Variants in KCNT1 observed in about 807,000 individuals in gnomAD.
The protein encoded by KCNT1 is potassium sodium-activated channel subfamily T member 1, also known as potassium channel subfamily T member 1.
Under a neutral mutation model 147.8 loss-of-function variants are expected in KCNT1, and 78 were observed. The observed-to-expected ratio is 0.53, with a 90% confidence interval of 0.44 to 0.64. KCNT1 has a LOEUF of 0.64. Ranked by LOEUF, KCNT1 falls within the 30% of genes least tolerant of loss-of-function variation. KCNT1 has a pLI of 0.00. For missense variants in KCNT1, 1,419 were observed against 1,750.3 expected, an observed-to-expected ratio of 0.81 and a Z score of 3.38; for synonymous variants, 867 against 748.8, an observed-to-expected ratio of 1.16 and a Z score of -2.58.
At chr9:135,713,846 C>T (rs1835606362) in intron 1 of KCNT1, among the ~76,000 whole-genome samples, 2 of 152,186 alleles carry the variant, frequency 1.3e-5, no homozygotes, top group Non-Finnish European at 2.9e-5. Flanking sequence ...CTGCAGACCA[C>T]CAGGGGTCCT....
At chr9:135,776,043 C>T (rs1833147707) in intron 20 of KCNT1, among the ~76,000 whole-genome samples, 1 of 151,950 alleles carries the variant, frequency 6.6e-6, no homozygotes, top group Non-Finnish European at 1.5e-5. Context: ...TGGGGCCAGC[C>T]CTCCCTGGAA....
intron 11 of KCNT1, among the ~76,000 whole-genome samples, chr9:135,764,628 C>T (rs1014885160): frequency 1.3e-5 from 2 of 152,188 alleles, no homozygotes; most frequent in Non-Finnish European, 2.9e-5. Flanking sequence ...CAGCCTCAAA[C>T]CACCTGCCCC....
At chr9:135,722,671 G>A (rs542712963) in intron 2 of KCNT1, among the ~76,000 whole-genome samples, 3 of 152,286 alleles carry the variant, frequency 2.0e-5, no homozygotes, top group African/African-American at 7.2e-5. Context: ...AGGCGCCGGC[G>A]GACCAGGCTC....
At chr9:135,745,436 G>A (rs1830779549) in intron 2 of KCNT1, among the ~76,000 whole-genome samples, 2 of 152,202 alleles carry the variant, frequency 1.3e-5, no homozygotes, top group South Asian at 2.1e-4. Flanking sequence ...GCCTCTGCCC[G>A]TGGTCCACAC....
rs536652756 is a variant in KCNT1 at position 135,783,552 on chromosome 9, A to C, written c.2842-472A>C. Among the ~76,000 whole-genome samples the C allele has an allele frequency of 2.0e-5, 3 of 152,362 alleles. No individual in the cohort carries two copies. In the East Asian group the frequency reaches 5.8e-4, roughly 29 times the overall value. On this transcript the variant is annotated intron_variant, in intron 24 of 30. Transcript: ENST00000371757. ...GAGCCCCAGGAAACTCAGTGGGTCC[A>C]TTGCAAGCCTGGAGCACAGGGACGG...
In KCNT1 at chr9:135,786,436, C is replaced by A. The variant is rs1834057026; in HGVS notation, c.3417C>A (p.Ser1139Arg). The A allele has an allele frequency of 6.3e-7, 1 of 1,595,472 alleles. No individual in the cohort carries two copies. Among genetic ancestry groups the A allele is most frequent in the African/African-American group, 1.3e-5 (1 of 74,380 alleles). The change falls in exon 29 of 31, where the codon AGC becomes AGA. Residue 1139 changes from serine (S) to arginine (R), a missense_variant. Coordinates refer to ENST00000371757, the MANE Select transcript of KCNT1 (RefSeq NM_020822.3). ...AGTGGATCAGCCAGCAGCGCCTCAG[C>A]CTGTACCGGCGCTCTGAGCGCCAGG... The part of the protein sequence containing the change: ...AAEWISQQRL[S>R]LYRRSERQEL...
intron 2 of KCNT1, among the ~76,000 whole-genome samples, chr9:135,727,212 CCTCTCT>C (rs547905203): frequency 1.9e-5 from 1 of 51,328 alleles, no homozygotes; most frequent in East Asian, 7.8e-4. Context: ...TCTCCCTCTC[CCTCTCT>C]CTCTCTCTTT....
At chr9:135,774,790 G>A (rs901726274) in intron 19 of KCNT1, among the ~76,000 whole-genome samples, 17 of 152,234 alleles carry the variant, frequency 1.1e-4, no homozygotes, top group African/African-American at 2.9e-4. Context: ...GTGTTATGCC[G>A]AGGGCTGACC....
At position 135,765,789 on chromosome 9, in the gene KCNT1, A is replaced by G. The variant is rs10117578; in HGVS notation, c.1337+29A>G. The G allele has an allele frequency of 0.3, 329,211 of 1,081,434 alleles. 40,950 individuals carry two copies. Among genetic ancestry groups the G allele is most frequent in the Middle Eastern group, 0.36 (1,344 of 3,744 alleles). 67.0% of individuals were successfully genotyped at this position (1,081,434 alleles called of 1,614,324 possible). On this transcript the variant is annotated intron_variant, in intron 13 of 30. Coordinates refer to ENST00000371757, the MANE Select transcript of KCNT1 (RefSeq NM_020822.3). The stretch of plus-strand genomic sequence containing the variant: ...AGTGCTGGTGGGCGGAGGGGGTGGC[A>G]TGGGGGCACCTTCCTGAGTCAGGTC...
At position 135,792,993 on chromosome 9, in the gene KCNT1, T is replaced by TGG. The variant is rs893599316; in HGVS notation, c.*833_*834dup. 1 of 152,194 alleles carries TGG rather than the reference T, an allele frequency of 6.6e-6. No homozygotes were observed. Among genetic ancestry groups the TGG allele is most frequent in the African/African-American group, 2.4e-5 (1 of 41,444 alleles). 9.4% of individuals were successfully genotyped at this position (152,194 alleles called of 1,614,324 possible). ...AATTCAGCCTCCGGGCTGGGCCACG[T>TGG]GGAGAGAGAGGATCTTCTCAGCAAG... On this transcript the variant is annotated 3_prime_UTR_variant, in exon 31 of 31. Coordinates refer to ENST00000371757, the MANE Select transcript of KCNT1 (RefSeq NM_020822.3).
intron 2 of KCNT1, among the ~76,000 whole-genome samples, chr9:135,721,310 G>T (rs944135876): frequency 2.0e-5 from 3 of 152,214 alleles, no homozygotes; most frequent in Admixed American, 6.5e-5. Context: ...GTGGGGTAGG[G>T]GGTGGTTATA....
chr9:135,759,663 C>T lies in KCNT1; in HGVS notation c.855-16C>T, dbSNP rs1417081396. 2 of 1,587,744 alleles carry T rather than the reference C, an allele frequency of 1.3e-6. No homozygotes were observed. The highest frequency in any genetic ancestry group is 4.5e-5 in the East Asian group (2 of 44,444). ...CTCCTGGGCCCCAGGCCGCCCCTCA[C>T]TGCCAGGGGTTGCAGGACCTGCGGC... is the stretch of plus-strand genomic sequence containing the variant. On this transcript the variant is annotated splice_polypyrimidine_tract_variant and intron_variant, in intron 10 of 30. Coordinates refer to ENST00000371757, the MANE Select transcript of KCNT1 (RefSeq NM_020822.3).
At chr9:135,775,262 C>T (rs377134025) in intron 19 of KCNT1, 48 bp from the exon 20 acceptor site, 63 of 1,465,470 alleles carry the variant, frequency 4.3e-5, no homozygotes, top group Admixed American at 9.6e-5. Context: ...AGAGCAGACC[C>T]AGCCACCTCT....
At position 135,778,814 on chromosome 9, in the gene KCNT1, C is replaced by G; in HGVS notation, c.2721C>G (p.Thr907=). The G allele has an allele frequency of 6.2e-7, 1 of 1,613,722 alleles. No individual in the cohort carries two copies. Among genetic ancestry groups the G allele is most frequent in the South Asian group, 1.1e-5 (1 of 91,086 alleles). ...CCAAGACCATCGTCAACGTGCAGACCATGTTCCGGTGCGTCCAGTGTCCGG... is the reference window on the plus strand; with the variant it reads ...CCAAGACCATCGTCAACGTGCAGACGATGTTCCGGTGCGTCCAGTGTCCGG... ...ADAKTIVNVQ[T]MFRLFPSLSI... is the part of the protein sequence containing the mutation. Residue 907 remains threonine, a synonymous_variant, in exon 23 of 31, where the codon ACC becomes ACG. Transcript: ENST00000371757.
intron 2 of KCNT1, among the ~76,000 whole-genome samples, chr9:135,746,630 A>C (rs1830847146): frequency 6.6e-6 from 1 of 152,216 alleles, no homozygotes. Context: ...CAAGGCCCAG[A>C]GGTCCAGCTG....
Position 135,784,747 on chromosome 9 carries a change from T to G in KCNT1, c.3028-14T>G, listed in dbSNP as rs539727852. 9.3e-5 allele frequency: 150 copies of G among 1,611,710 alleles called. No individual in the cohort carries two copies. In the African/African-American group the frequency reaches 1.2e-3, roughly 13 times the overall value. On this transcript the variant is annotated splice_polypyrimidine_tract_variant and intron_variant, in intron 26 of 30. Transcript: ENST00000371757. The stretch of plus-strand genomic sequence containing the variant: ...GCCACCTGCCCCAGCCAACTCAGGG[T>G]TCCCACCCTGCAGATGAAAATCACC...
At position 135,772,881 on chromosome 9, in the gene KCNT1, C is replaced by G. The variant is rs368450848; in HGVS notation, c.2175C>G (p.Cys725Trp). Residue 725 changes from cysteine (C) to tryptophan (W), a missense_variant, in exon 19 of 31, where the codon TGC becomes TGG. This residue lies in a region of KCNT1 where 284 missense variants were observed against 292.8 expected (regional missense o/e 0.97). Coordinates refer to ENST00000371757, the MANE Select transcript of KCNT1 (RefSeq NM_020822.3). ...CCGACAGCTCAGCCCTGCTGCCCTG[C>G]GACCTGCTGAGCGACCAGTCGGAGG... ...ELADSSALLP[C>W]DLLSDQSEDE... 6.4e-7 allele frequency: 1 copy of G among 1,558,560 alleles called. No individual in the cohort carries two copies.
chr9:135,708,944 C>T (rs767247117), intron 1 of KCNT1, among the ~76,000 whole-genome samples: 6 of 152,242 alleles, frequency 3.9e-5, no homozygotes, highest in Admixed American at 1.3e-4. Context: ...TTCTGAGCCC[C>T]ACCCGGGGCA....
intron 11 of KCNT1, among the ~76,000 whole-genome samples, chr9:135,761,949 G>A (rs1230098360): frequency 3.3e-5 from 5 of 152,220 alleles, no homozygotes; most frequent in Admixed American, 6.5e-5. Flanking sequence ...CCCCAGGGTC[G>A]CTTTCAAATA....
Sources: gnomAD v4.1 joint callset for allele counts (sites outside exome capture counted in the v4.1 genomes callset) on GRCh38, gnomAD v4.1.1 for gene constraint, gnomAD v4.1.1 regional missense constraint, MANE v1.5 for transcripts, NCBI Gene and HGNC (gene_info 2026-07-23, HGNC 2026-07-21) for gene names.